LPP: variants seen among roughly 807,000 people sequenced by gnomAD.
LPP encodes the protein lipoma-preferred partner.
In LPP, 38 loss-of-function variants were observed where a neutral mutation model predicts 60.4. The observed-to-expected ratio is 0.63, with a 90% CI of 0.49 to 0.83. The LOEUF is 0.83. Among genes scored for constraint, LPP ranks in the 40% least tolerant of loss-of-function variants. LPP has a pLI of 0.00. For missense variants in LPP, 902 were observed against 783.6 expected, an observed-to-expected ratio of 1.15 and a Z score of -1.80; for synonymous variants, 328 against 290.8, an observed-to-expected ratio of 1.13 and a Z score of -1.30.
chr3:188,720,606 TAAAA>T (rs535969624), intron 8 of LPP, among the ~76,000 whole-genome samples: 1 of 127,906 alleles, frequency 7.8e-6, no homozygotes, highest in African/African-American at 2.9e-5. Context: ...CCGAGGCAAT[TAAAA>T]AAAAAAAAAA....
intron 7 of LPP, among the ~76,000 whole-genome samples, chr3:188,625,759 A>G (rs1324842727): frequency 6.6e-6 from 1 of 152,208 alleles, no homozygotes; most frequent in Non-Finnish European, 1.5e-5. Context: ...ATATTTAGGT[A>G]TTACTTAGTA....
chr3:188,804,242 T>TC (rs1159352398), intron 9 of LPP, among the ~76,000 whole-genome samples: 1 of 79,440 alleles, frequency 1.3e-5, no homozygotes, highest in East Asian at 4.1e-4. Context: ...GTAGTGCATC[T>TC]TTATATATAT....
chr3:188,713,576 T>C (rs185688414), intron 8 of LPP, among the ~76,000 whole-genome samples: 7 of 152,304 alleles, frequency 4.6e-5, no homozygotes, highest in Non-Finnish European at 1.0e-4. Context: ...TCTACAGTTT[T>C]ATTTTGAAAT....
intron 4 of LPP, among the ~76,000 whole-genome samples, chr3:188,455,601 G>T (rs1191038633): frequency 6.6e-6 from 1 of 152,148 alleles, no homozygotes; most frequent in African/African-American, 2.4e-5. Context: ...AAAACAGTAG[G>T]TATGGGTACT....
intron 2 of LPP, among the ~76,000 whole-genome samples, chr3:188,299,855 A>G (rs1157596686): frequency 6.6e-6 from 1 of 152,220 alleles, no homozygotes; most frequent in East Asian, 1.9e-4. Context: ...ATTTCGAGTT[A>G]TGAGCTTCAC....
intron 8 of LPP, among the ~76,000 whole-genome samples, chr3:188,757,284 C>G (rs895573259): frequency 3.3e-5 from 5 of 152,178 alleles, no homozygotes; most frequent in African/African-American, 1.2e-4. Context: ...TAGTCGTGGG[C>G]AAGAGTAGAT....
At chr3:188,206,568 A>G (rs1021311876) in intron 1 of LPP, among the ~76,000 whole-genome samples, 1 of 152,230 alleles carries the variant, frequency 6.6e-6, no homozygotes, top group African/African-American at 2.4e-5. Context: ...AGAAACAAAT[A>G]TAAACTTTTG....
chr3:188,370,436 C>T (rs1010464660), intron 3 of LPP, among the ~76,000 whole-genome samples: 22 of 152,024 alleles, frequency 1.4e-4, no homozygotes, highest in African/African-American at 3.1e-4. Context: ...GTTATGTTGT[C>T]AGCATCCTCA....
intron 9 of LPP, among the ~76,000 whole-genome samples, chr3:188,829,896 G>T (rs1343498053): frequency 6.6e-6 from 1 of 151,888 alleles, no homozygotes; most frequent in African/African-American, 2.4e-5. Flanking sequence ...CATTGGCTGG[G>T]CATGGTGGCT....
chr3:188,470,245 A>G (rs939710876), intron 4 of LPP, among the ~76,000 whole-genome samples: 1 of 148,406 alleles, frequency 6.7e-6, no homozygotes, highest in South Asian at 2.1e-4. Flanking sequence ...CCCTATTTCA[A>G]TCTTTCAACC....
chr3:188,185,165 C>G (rs527958003), intron 1 of LPP, among the ~76,000 whole-genome samples: 1 of 150,194 alleles, frequency 6.7e-6, no homozygotes, highest in African/African-American at 2.4e-5. Context: ...CCAAGGAGGC[C>G]TGGTTTTGAA....
At chr3:188,634,715 T>G (rs1202681544) in intron 7 of LPP, among the ~76,000 whole-genome samples, 2 of 152,256 alleles carry the variant, frequency 1.3e-5, no homozygotes, top group African/African-American at 4.8e-5. Context: ...GATCTGTCAC[T>G]GTCTCCCATC....
chr3:188,410,527 A>G (rs1784656760), intron 4 of LPP, among the ~76,000 whole-genome samples: 4 of 152,176 alleles, frequency 2.6e-5, no homozygotes, highest in Admixed American at 1.3e-4. Context: ...CACACTGAAA[A>G]GTGGGGCATG....
chr3:188,196,091 G>A lies in LPP; in HGVS notation c.-189-29314G>A, dbSNP rs183861235. On this transcript the variant is annotated intron_variant, in intron 1 of 11. Transcript: ENST00000617246. ...ATTTGGCATTGGTGGTGCTGTTTCT[G>A]TTGACCACTCCCAGTGTCTCTGGAT... is the stretch of plus-strand genomic sequence containing the variant. 3.4e-3 allele frequency among the ~76,000 whole-genome samples: 516 copies of A among 152,272 alleles called. 10 individuals are homozygous for A. The highest frequency in any genetic ancestry group is 0.012 in the African/African-American group (485 of 41,548).
chr3:188,515,035 GA>G lies in LPP; in HGVS notation c.307-9622del, dbSNP rs528538678. Among the ~76,000 whole-genome samples, 117 of 152,012 alleles carry G rather than the reference GA, an allele frequency of 7.7e-4. No homozygotes were observed. In the Middle Eastern group the frequency reaches 0.02, roughly 27 times the overall value. On this transcript the variant is annotated intron_variant, in intron 5 of 11. Coordinates refer to ENST00000617246, the MANE Select transcript of LPP (RefSeq NM_001375462.1). ...AGGATGAAATAATGTAAATTGTGAG[GA>G]AAAAAAATTCAAGCATTTATCAAGC...
At chr3:188,781,411 C>T (rs1739609176) in intron 9 of LPP, among the ~76,000 whole-genome samples, 1 of 152,060 alleles carries the variant, frequency 6.6e-6, no homozygotes, top group African/African-American at 2.4e-5. Flanking sequence ...CGTTTTCACA[C>T]TGTGAGGAAG....
At chr3:188,451,591 G>A (rs1203462365) in intron 4 of LPP, among the ~76,000 whole-genome samples, 2 of 152,168 alleles carry the variant, frequency 1.3e-5, no homozygotes, top group East Asian at 1.9e-4. Flanking sequence ...CAAGGGGACA[G>A]GCATTAATCA....
chr3:188,667,338 C>T (rs151216377), intron 7 of LPP, among the ~76,000 whole-genome samples: 5,751 of 151,794 alleles, frequency 0.038, 331 homozygotes, highest in African/African-American at 0.13. Context: ...ATTAGCCGGG[C>T]GTGGTGGTGG....
At chr3:188,574,231 G>A (rs1049317023) in intron 6 of LPP, among the ~76,000 whole-genome samples, 4 of 152,098 alleles carry the variant, frequency 2.6e-5, no homozygotes, top group African/African-American at 4.8e-5. Flanking sequence ...TATAATAACC[G>A]TCTGGGTGAC....
Sources: allele counts gnomAD v4.1 joint callset (sites outside exome capture counted in the v4.1 genomes callset), GRCh38; gene constraint gnomAD v4.1.1; transcripts MANE v1.5; gene names NCBI Gene and HGNC (gene_info 2026-07-23, HGNC 2026-07-21).